Variants in PARPBP observed in about 807,000 individuals in gnomAD.
The protein encoded by PARPBP is PCNA-interacting partner.
In PARPBP, 52 loss-of-function variants were observed where a neutral mutation model predicts 50.0. That is an observed-to-expected ratio of 1.04 (90% CI 0.83 to 1.31). The LOEUF is 1.31. Among genes scored for constraint, PARPBP ranks in the 50% most tolerant of loss-of-function variants. The pLI, the probability that PARPBP is intolerant of heterozygous loss-of-function variation, is 0.00. For missense variants in PARPBP, 697 were observed against 672.0 expected (o/e 1.04, Z -0.41); for synonymous variants, 244 against 232.1 (o/e 1.05, Z -0.47).
chr12:102,152,602 C>T (rs532608204), intron 3 of PARPBP, among the ~76,000 whole-genome samples: 1 of 152,200 alleles, frequency 6.6e-6, no homozygotes, highest in Admixed American at 6.5e-5. Flanking sequence ...TTTCCTGTGA[C>T]AGTTATTATC....
In PARPBP at chr12:102,153,945, C is replaced by A; in HGVS notation, c.464C>A (p.Pro155Gln). 1 of 1,603,360 alleles carries A rather than the reference C, an allele frequency of 6.2e-7. No homozygotes were observed. Among genetic ancestry groups the A allele is most frequent in the Non-Finnish European group, 8.5e-7 (1 of 1,170,490 alleles). The change falls in exon 4 of 11, where the codon CCA (proline) becomes CAA (glutamine). Residue 155 changes from proline to glutamine, a missense_variant. Physicochemically the swap from Pro to Gln is moderately conservative, Grantham distance 76. Transcript: ENST00000327680. ...DETDLSIPTS[P>Q]TSKYNRDNEK... ...ACTGATCTTTCTATACCAACATCACCAACAAGTAAATACAACCGTGATAAT... is the reference window on the plus strand; with the variant it reads ...ACTGATCTTTCTATACCAACATCACAAACAAGTAAATACAACCGTGATAAT...
In PARPBP at chr12:102,152,139, G is replaced by A. The variant is rs571245232; in HGVS notation, c.388-1730G>A. The A allele has an allele frequency of 1.0e-4, 27 of 269,712 alleles. No homozygotes were observed. In the East Asian group the frequency reaches 2.6e-3, roughly 26 times the overall value. 16.7% of individuals were successfully genotyped at this position (269,712 alleles called of 1,614,324 possible). ...GCTCCTCTTCCTAGATGTTGGGCAG[G>A]TGGGCTGGGTCTTCTCAGGGATGCA... On this transcript the variant is annotated intron_variant, in intron 3 of 10. Coordinates refer to ENST00000327680, the MANE Select transcript of PARPBP (RefSeq NM_017915.5).
intron 4 of PARPBP, among the ~76,000 whole-genome samples, chr12:102,155,601 G>GA (rs1555216794): frequency 1.6e-5 from 2 of 123,560 alleles, no homozygotes; most frequent in Non-Finnish European, 3.4e-5. Context: ...TGGTGGGGGG[G>GA]GGGGGCGGGG....
At chr12:102,165,912 G>GT (rs1371639930) in intron 6 of PARPBP, 29 bp downstream of exon 6, 24 of 1,361,480 alleles carry the variant, frequency 1.8e-5, no homozygotes, top group Non-Finnish European at 2.5e-5. Flanking sequence ...TTACAAATAT[G>GT]TTTTTAATCT....
chr12:102,126,432 A>G (rs1482680958), intron 2 of PARPBP, among the ~76,000 whole-genome samples: 1 of 152,232 alleles, frequency 6.6e-6, no homozygotes, highest in African/African-American at 2.4e-5. Context: ...GTTCTGTACC[A>G]GGAAGTTTTT....
chr12:102,148,416 TG>T lies in PARPBP; in HGVS notation c.341del (p.Cys114LeufsTer4). 6.5e-7 allele frequency: 1 copy of T among 1,548,250 alleles called. No individual in the cohort carries two copies. Among genetic ancestry groups the T allele is most frequent in the Non-Finnish European group, 8.9e-7 (1 of 1,122,298 alleles). On this transcript the variant is annotated frameshift_variant, in exon 3 of 11. Transcript: ENST00000327680. LOFTEE classifies it high-confidence loss of function. ...MLDLIDVYQK[C>X]RALTSNCENY... The stretch of plus-strand genomic sequence containing the variant: ...AGATCTGATTGATGTTTATCAAAAA[TG>T]TAGGGCTTTGACTTCTAATTGTGAA...
At position 102,153,903 on chromosome 12, in the gene PARPBP, A is replaced by C. The variant is rs200008947; in HGVS notation, c.422A>C (p.Tyr141Ser). The C allele has an allele frequency of 2.6e-5, 42 of 1,610,232 alleles. No homozygotes were observed. The highest frequency in any genetic ancestry group is 3.2e-5 in the Non-Finnish European group (38 of 1,176,718). ...CTGGATTTTCTGTCTGGCAAACAGT[A>C]TGCAGTAGGTGATGAAACTGATCTT... ...QLLDFLSGKQ[Y>S]AVGDETDLSI... The change falls in exon 4 of 11, where the codon TAT becomes TCT. Residue 141 changes from tyrosine to serine, a missense_variant. Physicochemically the swap from Tyr to Ser is moderately radical, Grantham distance 144 (BLOSUM62 -2). Coordinates refer to ENST00000327680, the MANE Select transcript of PARPBP (RefSeq NM_017915.5).
intron 2 of PARPBP, among the ~76,000 whole-genome samples, chr12:102,139,922 A>G (rs1421268488): frequency 6.6e-6 from 1 of 152,240 alleles, no homozygotes; most frequent in East Asian, 1.9e-4. Flanking sequence ...GATGTTCATC[A>G]GGGATATTGG....
Position 102,143,435 on chromosome 12 carries a change from G to A in PARPBP, c.154-4795G>A, listed in dbSNP as rs112964557. ...AATTCCCCGACCCCTTGCGCTTCCC[G>A]GGTGAGATGATGCCCTGCCCTGCTT... On this transcript the variant is annotated intron_variant, in intron 2 of 10. Coordinates refer to ENST00000327680, the MANE Select transcript of PARPBP (RefSeq NM_017915.5). 6.6e-5 allele frequency among the ~76,000 whole-genome samples: 10 copies of A among 152,294 alleles called. No homozygotes were observed. In the East Asian group the frequency reaches 7.7e-4, roughly 12 times the overall value.
rs767018491 is a variant in PARPBP at position 102,153,944 on chromosome 12, C to T, written c.463C>T (p.Pro155Ser). The T allele has an allele frequency of 6.2e-7, 1 of 1,604,362 alleles. No individual in the cohort carries two copies. Among genetic ancestry groups the T allele is most frequent in the South Asian group, 1.1e-5 (1 of 90,864 alleles). ...AACTGATCTTTCTATACCAACATCA[C>T]CAACAAGTAAATACAACCGTGATAA... ...DETDLSIPTS[P>S]TSKYNRDNEK... The change falls in exon 4 of 11, where the codon CCA becomes TCA. Residue 155 changes from proline to serine, a missense_variant. By Grantham distance (74) the Pro-to-Ser change is moderately conservative. Coordinates refer to ENST00000327680, the MANE Select transcript of PARPBP (RefSeq NM_017915.5).
At chr12:102,169,407 C>T (rs559970240) in intron 6 of PARPBP, among the ~76,000 whole-genome samples, 48 of 152,246 alleles carry the variant, frequency 3.2e-4, no homozygotes, top group Admixed American at 1.9e-3. Flanking sequence ...CTCATATGTC[C>T]TAAACTAAAT....
chr12:102,136,876 A>G (rs1424620324), intron 2 of PARPBP, among the ~76,000 whole-genome samples: 1 of 152,138 alleles, frequency 6.6e-6, no homozygotes, highest in Admixed American at 6.5e-5. Context: ...GTATATATCC[A>G]TGACGTATAT....
intron 9 of PARPBP, 41 bp downstream of exon 9, chr12:102,182,668 T>C (rs1395701593): frequency 7.7e-7 from 1 of 1,297,014 alleles, no homozygotes; most frequent in Admixed American, 1.8e-5. Context: ...AAACACTGTT[T>C]TATTTTTAGA....
At chr12:102,135,536 CAAAAAAAAAA>C (rs34890863) in intron 2 of PARPBP, among the ~76,000 whole-genome samples, 1 of 50,556 alleles carries the variant, frequency 2.0e-5, no homozygotes, top group Non-Finnish European at 4.1e-5. Flanking sequence ...ACTCCGTCTC[CAAAAAAAAAA>C]AAAAAAAAAA....
chr12:102,165,925 C>T, intron 6 of PARPBP, 42 bp downstream of exon 6: 1 of 1,265,248 alleles, frequency 7.9e-7, no homozygotes, highest in Non-Finnish European at 1.1e-6. Flanking sequence ...TTTAATCTAT[C>T]TTTAAAACTT....
chr12:102,146,873 A>G lies in PARPBP; in HGVS notation c.154-1357A>G, dbSNP rs550678327. Among the ~76,000 whole-genome samples, 94 of 152,024 alleles carry G rather than the reference A, an allele frequency of 6.2e-4. 1 individual carries two copies. The highest frequency in any genetic ancestry group is 2.2e-3 in the African/African-American group (92 of 41,278). ...AATGAACTCAAACAAATTTGCAAGA[A>G]AAAAACAAACAACCCCATCAAAAAG... On this transcript the variant is annotated intron_variant, in intron 2 of 10. Coordinates refer to ENST00000327680, the MANE Select transcript of PARPBP (RefSeq NM_017915.5).
intron 4 of PARPBP, among the ~76,000 whole-genome samples, chr12:102,158,764 A>C (rs1887244398): frequency 6.6e-6 from 1 of 152,028 alleles, no homozygotes; most frequent in African/African-American, 2.4e-5. Flanking sequence ...TCCTGTATGT[A>C]CTACAGGGAG....
At position 102,163,160 on chromosome 12, in the gene PARPBP, A is replaced by G. The variant is rs1887779437; in HGVS notation, c.496-1278A>G. ...CACATTTGTGAAAAATCAGATTGCTATATTTGTGTTGGTCTATTTCTGCAC... is the reference window on the plus strand; with the variant it reads ...CACATTTGTGAAAAATCAGATTGCTGTATTTGTGTTGGTCTATTTCTGCAC... On this transcript the variant is annotated intron_variant, in intron 4 of 10. Coordinates refer to ENST00000327680, the MANE Select transcript of PARPBP (RefSeq NM_017915.5). 3.3e-5 allele frequency among the ~76,000 whole-genome samples: 5 copies of G among 152,286 alleles called. No individual in the cohort carries two copies. The South Asian group carries it at 6.2e-4, about 19-fold the overall frequency.
At chr12:102,187,303 G>A (rs1890387195) in intron 9 of PARPBP, among the ~76,000 whole-genome samples, 1 of 152,116 alleles carries the variant, frequency 6.6e-6, no homozygotes, top group Non-Finnish European at 1.5e-5. Flanking sequence ...AAATTCTGAG[G>A]ATTACCACTA....
Sources: gnomAD v4.1 joint callset for allele counts (sites outside exome capture counted in the v4.1 genomes callset) on GRCh38, gnomAD v4.1.1 for gene constraint, MANE v1.5 for transcripts, NCBI Gene and HGNC (gene_info 2026-07-23, HGNC 2026-07-21) for gene names.